RREB1: variants seen among roughly 807,000 people sequenced by gnomAD.
RREB1 encodes ras responsive element binding protein 1, also known as ras-responsive element-binding protein 1.
A neutral mutation model predicts 117.8 loss-of-function variants in RREB1; 27 were observed. The ratio of observed to expected loss-of-function variants is 0.23; its 90% CI spans 0.17 to 0.32. RREB1 has a LOEUF of 0.32. Among genes scored for constraint, RREB1 ranks in the 10% least tolerant of loss-of-function variants. The probability of loss-of-function intolerance (pLI) is 1.00; values close to 1 mark genes in which losing one functional copy is unlikely to be tolerated. For missense variants in RREB1, 2,577 were observed against 2,378.2 expected (o/e 1.08, Z -1.74); for synonymous variants, 1,298 against 1,026.7 (o/e 1.26, Z -5.05).
chr6:7,118,557 G>A (rs1228174264), intron 1 of RREB1, among the ~76,000 whole-genome samples: 1 of 152,138 alleles, frequency 6.6e-6, no homozygotes, highest in Non-Finnish European at 1.5e-5. Flanking sequence ...TATGTATTTG[G>A]CTAAAGTGTT....
intron 1 of RREB1, among the ~76,000 whole-genome samples, chr6:7,132,512 G>A (rs543163740): frequency 2.0e-5 from 3 of 152,302 alleles, no homozygotes; most frequent in South Asian, 4.1e-4. Context: ...CCTCCCAAGC[G>A]CTTGCCATAG....
intron 1 of RREB1, among the ~76,000 whole-genome samples, chr6:7,153,789 A>G (rs1466171002): frequency 1.3e-5 from 2 of 152,218 alleles, no homozygotes; most frequent in Non-Finnish European, 2.9e-5. Flanking sequence ...CTCAACCCAT[A>G]AAGTGCCGTT....
At chr6:7,185,094 T>C (rs1289206894) in intron 4 of RREB1, 1 of 152,106 alleles carries the variant, frequency 6.6e-6, no homozygotes, top group East Asian at 1.9e-4. Context: ...GCAGAGAAGG[T>C]ATGACACCCC....
intron 1 of RREB1, among the ~76,000 whole-genome samples, chr6:7,160,689 C>CT (rs201890233): frequency 5.6e-4 from 79 of 141,334 alleles, no homozygotes; most frequent in African/African-American, 1.6e-3. Context: ...TTTTTTTTTT[C>CT]TTTTTTTTTT....
At position 7,229,338 on chromosome 6, in the gene RREB1, A is replaced by C; in HGVS notation, c.1239A>C (p.Ser413=). The C allele has an allele frequency of 6.2e-7, 1 of 1,614,124 alleles. No homozygotes were observed. Among genetic ancestry groups the C allele is most frequent in the Non-Finnish European group, 8.5e-7 (1 of 1,180,020 alleles). The change falls in exon 10 of 13, where the codon TCA becomes TCC. Residue 413 remains serine (S), a synonymous_variant. Coordinates refer to ENST00000379938, the MANE Select transcript of RREB1 (RefSeq NM_001003699.4). This position sits in a 1 kb window ranked among gnomAD's most constrained non-coding sequence, Gnocchi z 4.5. ...DPGCTNLLSL[S]PFEAASLGGS... Reference sequence around the variant, plus strand: ...GCTGCACCAACCTGCTGAGCCTGTCACCTTTCGAAGCTGCTTCCCTAGGCG... The same window carrying C: ...GCTGCACCAACCTGCTGAGCCTGTCCCCTTTCGAAGCTGCTTCCCTAGGCG...
chr6:7,188,282 G>A (rs999422886), intron 5 of RREB1, among the ~76,000 whole-genome samples: 4 of 150,450 alleles, frequency 2.7e-5, no homozygotes, highest in African/African-American at 9.8e-5. Context: ...ACGGAGTCTC[G>A]TTCTGTCGCC....
At chr6:7,130,091 C>T (rs931895136) in intron 1 of RREB1, among the ~76,000 whole-genome samples, 2 of 152,194 alleles carry the variant, frequency 1.3e-5, no homozygotes. Context: ...TGGAGTCTTG[C>T]TGTCTTTGCC....
chr6:7,181,895 C>A lies in RREB1; in HGVS notation c.-17C>A, dbSNP rs374065889. On this transcript the variant is annotated 5_prime_UTR_variant, in exon 4 of 13. Coordinates refer to ENST00000379938, the MANE Select transcript of RREB1 (RefSeq NM_001003699.4). ...TTTTATAGCAGAGGCTTCTTAGAAG[C>A]TTAAACCCCTGTCCCAATGACGTCA... 2 of 1,614,106 alleles carry A rather than the reference C, an allele frequency of 1.2e-6. No individual in the cohort carries two copies. Among genetic ancestry groups the A allele is most frequent in the East Asian group, 4.5e-5 (2 of 44,894 alleles).
intron 1 of RREB1, among the ~76,000 whole-genome samples, chr6:7,155,966 T>C (rs1581463125): frequency 6.6e-6 from 1 of 152,320 alleles, no homozygotes; most frequent in South Asian, 2.1e-4. Flanking sequence ...TAACTCTAGG[T>C]AGAAGATAAA....
intron 10 of RREB1, among the ~76,000 whole-genome samples, chr6:7,239,834 G>T (rs776073499): frequency 1.3e-5 from 2 of 152,252 alleles, no homozygotes; most frequent in Non-Finnish European, 2.9e-5. Context: ...GTCACTGCAG[G>T]ATGTCTCGGC....
Position 7,250,791 on chromosome 6 carries a change from A to G in RREB1, c.*1823A>G, listed in dbSNP as rs1769375322. The G allele has an allele frequency of 6.6e-6, 1 of 152,126 alleles. No individual in the cohort carries two copies. The highest frequency in any genetic ancestry group is 1.5e-5 in the Non-Finnish European group (1 of 68,016). 9.4% of individuals were successfully genotyped at this position (152,126 alleles called of 1,614,324 possible). On this transcript the variant is annotated 3_prime_UTR_variant, in exon 13 of 13. Transcript: ENST00000379938. ...GATATTCTTGAGATAATGAAAAGTG[A>G]TATCTTCGCATACGAAAGGAAAAAA...
chr6:7,110,352 A>T (rs745889169), intron 1 of RREB1, among the ~76,000 whole-genome samples: 8 of 152,238 alleles, frequency 5.3e-5, no homozygotes, highest in Non-Finnish European at 1.0e-4. Context: ...GTGTTGGCTA[A>T]AACCTCTTTG....
chr6:7,114,971 TAA>T (rs1219182526), intron 1 of RREB1, among the ~76,000 whole-genome samples: 2 of 149,396 alleles, frequency 1.3e-5, no homozygotes, highest in Non-Finnish European at 3.0e-5. Context: ...CTTCATGTTC[TAA>T]GTTATGTGGA....
rs552743660 is a variant in RREB1, at chr6:7,141,690, G to T, written c.-285+33630G>T. 7.9e-5 allele frequency among the ~76,000 whole-genome samples: 12 copies of T among 152,330 alleles called. No individual in the cohort carries two copies. In the South Asian group the frequency reaches 1.9e-3, roughly 24 times the overall value. On this transcript the variant is annotated intron_variant, in intron 1 of 12. Coordinates refer to ENST00000379938, the MANE Select transcript of RREB1 (RefSeq NM_001003699.4). The stretch of plus-strand genomic sequence containing the variant: ...TAGCTCCAAAAACTTTTGTTTAAAA[G>T]AAAAACCACGTATCTAGAAAATGCT...
At position 7,246,904 on chromosome 6, in the gene RREB1, C is replaced by T. The variant is rs765555447; in HGVS notation, c.4454C>T (p.Thr1485Ile). Reference protein sequence around the residue: ...PKDEKGDGASTAEEGPQPAPE... With the variant: ...PKDEKGDGASIAEEGPQPAPE... Reference sequence around the variant, plus strand: ...GACGAGAAGGGAGATGGCGCCAGCACTGCAGAGGAGGGGCCCCAGCCCGCC... The same window carrying T: ...GACGAGAAGGGAGATGGCGCCAGCATTGCAGAGGAGGGGCCCCAGCCCGCC... Residue 1485 changes from threonine to isoleucine, a missense_variant, in exon 12 of 13, where the codon ACT becomes ATT. Physicochemically the swap from Thr to Ile is moderately conservative, Grantham distance 89 (BLOSUM62 -1). Transcript: ENST00000379938. 1.0e-4 allele frequency: 158 copies of T among 1,554,138 alleles called. No homozygotes were observed. Among genetic ancestry groups the T allele is most frequent in the Admixed American group, 3.9e-5 (2 of 51,374 alleles).
At chr6:7,220,147 G>A (rs1767158071) in intron 8 of RREB1, among the ~76,000 whole-genome samples, 1 of 152,228 alleles carries the variant, frequency 6.6e-6, no homozygotes, top group Non-Finnish European at 1.5e-5. Flanking sequence ...GTGTCATACA[G>A]GGGGTGGGGA....
At chr6:7,139,953 AG>A (rs1461132589) in intron 1 of RREB1, among the ~76,000 whole-genome samples, 1 of 152,242 alleles carries the variant, frequency 6.6e-6, no homozygotes, top group African/African-American at 2.4e-5. Context: ...GTTCATGCGC[AG>A]GTTTCAGTAA....
At chr6:7,236,219 A>G (rs557253159) in intron 10 of RREB1, among the ~76,000 whole-genome samples, 13 of 151,912 alleles carry the variant, frequency 8.6e-5, no homozygotes, top group Non-Finnish European at 1.5e-4. Flanking sequence ...CTCTGTCCTC[A>G]TTTTCTTCCC....
rs4053178 is a variant in RREB1, at chr6:7,249,062, T to TGA, written c.*135_*136dup. 0.011 allele frequency: 6,090 copies of TGA among 566,514 alleles called. 31 individuals carry two copies. Among genetic ancestry groups the TGA allele is most frequent in the South Asian group, 0.026 (953 of 36,492 alleles). The allele number at this position is 566,514 out of a possible 1,614,324, so 35.1% of individuals were successfully genotyped here. On this transcript the variant is annotated 3_prime_UTR_variant, in exon 13 of 13. Coordinates refer to ENST00000379938, the MANE Select transcript of RREB1 (RefSeq NM_001003699.4). The stretch of plus-strand genomic sequence containing the variant: ...TCAGTGCCCTTTGGCTGTTGAGGAG[T>TGA]GAGAGAGAGAGAGAGAGAGAGAGAG...
Sources: allele counts gnomAD v4.1 joint callset (sites outside exome capture counted in the v4.1 genomes callset), GRCh38; gene constraint gnomAD v4.1.1; non-coding constraint Gnocchi (gnomAD v3.1); transcripts MANE v1.5; gene names NCBI Gene and HGNC (gene_info 2026-07-23, HGNC 2026-07-21).